The following BRD7 variants were observed in gnomAD, a reference collection of about 807,000 sequenced individuals.
BRD7 encodes bromodomain-containing protein 7.
BRD7 carries 15 observed loss-of-function variants against 82.1 expected under a neutral mutation model. That is an observed-to-expected ratio of 0.18 (90% CI 0.12 to 0.28). The LOEUF (loss-of-function observed/expected upper bound fraction) is 0.28, where lower values mean the gene tolerates loss of function less well. Among genes scored for constraint, BRD7 ranks in the 10% least tolerant of loss-of-function variants. BRD7 has a pLI of 1.00. For synonymous variants in BRD7, 232 were observed against 266.9 expected (o/e 0.87, Z 1.27); for missense variants, 638 against 779.9 (o/e 0.82, Z 2.17).
rs2036818652 is a variant in BRD7, at chr16:50,316,739, C to CCTAA, written c.*2468_*2471dup. 6.6e-6 allele frequency: 1 copy of CCTAA among 152,320 alleles called. No homozygotes were observed. Among genetic ancestry groups the CCTAA allele is most frequent in the African/African-American group, 2.4e-5 (1 of 41,426 alleles). The allele number at this position is 152,320 out of a possible 1,614,324, so 9.4% of individuals were successfully genotyped here. On this transcript the variant is annotated 3_prime_UTR_variant, in exon 17 of 17. Transcript: ENST00000394688. ...AACTTCCCAAGGAATTGAAAGTCAA[C>CCTAA]CTAACTGTAACAACAGGGTGAGAAA...
chr16:50,363,357 G>A (rs1304233642), intron 2 of BRD7, among the ~76,000 whole-genome samples: 1 of 152,184 alleles, frequency 6.6e-6, no homozygotes, highest in African/African-American at 2.4e-5. Context: ...TGTTTTAAGA[G>A]TCATGCCAGC....
Position 50,319,767 on chromosome 16 carries a change from T to C in BRD7, c.1900+120A>G. The stretch of plus-strand genomic sequence containing the variant: ...TTAGGGACTTGAGCATCTACAGATT[T>C]TGCTATCTTTGTGGGGTAAATACCA... On this transcript the variant is annotated intron_variant, in intron 16 of 16. Transcript: ENST00000394688. The C allele has an allele frequency of 4.7e-6, 6 of 1,278,114 alleles. No homozygotes were observed. In the South Asian group the frequency reaches 7.2e-5, roughly 15 times the overall value. 79.2% of individuals were successfully genotyped at this position (1,278,114 alleles called of 1,614,324 possible).
At chr16:50,333,190 T>C (rs2037643788) in intron 8 of BRD7, among the ~76,000 whole-genome samples, 1 of 152,180 alleles carries the variant, frequency 6.6e-6, no homozygotes, top group Admixed American at 6.5e-5. Context: ...AATACAAATG[T>C]TTTCCTGTAA....
chr16:50,368,893 G>A lies in BRD7; in HGVS notation c.-119C>T. On this transcript the variant is annotated 5_prime_UTR_variant, in exon 1 of 17. Coordinates refer to ENST00000394688, the MANE Select transcript of BRD7 (RefSeq NM_013263.5). ...GGGCCCGCGAGACCCCGCGCCGCGAGGCAGGGGGGCGGCGCGCGCCGGGCG... is the reference window on the plus strand; with the variant it reads ...GGGCCCGCGAGACCCCGCGCCGCGAAGCAGGGGGGCGGCGCGCGCCGGGCG... 1 of 540,454 alleles carries A rather than the reference G, an allele frequency of 1.9e-6. No individual in the cohort carries two copies. Among genetic ancestry groups the A allele is most frequent in the Non-Finnish European group, 2.4e-6 (1 of 417,970 alleles). 33.5% of individuals were successfully genotyped at this position (540,454 alleles called of 1,614,324 possible).
intron 5 of BRD7, among the ~76,000 whole-genome samples, chr16:50,342,601 T>C (rs754972920): frequency 3.3e-5 from 5 of 152,178 alleles, no homozygotes; most frequent in Non-Finnish European, 7.4e-5. Context: ...TTTTGTATTT[T>C]CAGTAGAGAC....
Position 50,354,924 on chromosome 16 carries a change from T to C in BRD7, c.259-2A>G. The C allele has an allele frequency of 6.2e-7, 1 of 1,613,522 alleles. No homozygotes were observed. Among genetic ancestry groups the C allele is most frequent in the Non-Finnish European group, 8.5e-7 (1 of 1,179,784 alleles). ...TCGATCTCGCTTCTTTTTATCCTCC[T>C]AAATGGAACAAAGGGAGATAATTTA... On this transcript the variant is annotated splice_acceptor_variant, in intron 2 of 16. Coordinates refer to ENST00000394688, the MANE Select transcript of BRD7 (RefSeq NM_013263.5). LOFTEE classifies it high-confidence loss of function.
At chr16:50,360,256 G>C (rs2038888465) in intron 2 of BRD7, among the ~76,000 whole-genome samples, 1 of 152,192 alleles carries the variant, frequency 6.6e-6, no homozygotes, top group Admixed American at 6.5e-5. Context: ...ATAGGAGACA[G>C]CATGACATAG....
At chr16:50,319,352 A>G in intron 16 of BRD7, 86 bp from the exon 17 acceptor site, 1 of 1,309,108 alleles carries the variant, frequency 7.6e-7, no homozygotes, top group Non-Finnish European at 1.1e-6. Context: ...GCCATCCAGA[A>G]GCATAACTGC....
chr16:50,336,085 A>G (rs1229474478), intron 6 of BRD7, among the ~76,000 whole-genome samples: 1 of 152,230 alleles, frequency 6.6e-6, no homozygotes, highest in African/African-American at 2.4e-5. Context: ...TTTAGTAAAA[A>G]GCATTTTTTC....
chr16:50,321,008 T>TCATTA (rs1166670533), intron 13 of BRD7, among the ~76,000 whole-genome samples: 2 of 152,258 alleles, frequency 1.3e-5, no homozygotes, highest in African/African-American at 4.8e-5. Flanking sequence ...TGAAATGTAA[T>TCATTA]GATGTATCTT....
intron 5 of BRD7, among the ~76,000 whole-genome samples, chr16:50,344,386 C>A (rs1416005524): frequency 1.3e-5 from 2 of 152,178 alleles, no homozygotes; most frequent in African/African-American, 4.8e-5. Context: ...TCCTTGCCAG[C>A]AACGGAACAA....
intron 12 of BRD7, among the ~76,000 whole-genome samples, chr16:50,322,567 T>C (rs1567598080): frequency 1.3e-5 from 2 of 152,206 alleles, no homozygotes; most frequent in Non-Finnish European, 2.9e-5. Context: ...TTGTGAGTTA[T>C]TTAACCAATT....
chr16:50,363,660 T>TGTGTGTGCGCGC lies in BRD7; in HGVS notation c.258+4429_258+4430insGCGCGCACACAC, dbSNP rs138025982. On this transcript the variant is annotated intron_variant, in intron 2 of 16. Transcript: ENST00000394688. ...GTGTGTTTGTGTGTGTGTGTGTGTG[T>TGTGTGTGCGCGC]GCGCGCGCGCGCGTGCGCGTGTGCT... 1.2e-4 allele frequency among the ~76,000 whole-genome samples: 12 copies of TGTGTGTGCGCGC among 102,506 alleles called. 1 individual carries two copies. Among genetic ancestry groups the TGTGTGTGCGCGC allele is most frequent in the Admixed American group, 9.6e-4 (10 of 10,418 alleles). The allele number at this position is 102,506 out of a possible 152,430, so 67.2% of individuals were successfully genotyped here.
chr16:50,333,799 T>C (rs2037675453), intron 7 of BRD7, 102 bp from the exon 8 acceptor site: 1 of 1,017,712 alleles, frequency 9.8e-7, no homozygotes, highest in Non-Finnish European at 1.4e-6. Flanking sequence ...GTGGAGACAT[T>C]TGTACTACAG....
At position 50,316,916 on chromosome 16, in the gene BRD7, A is replaced by G. The variant is rs1202070634; in HGVS notation, c.*2295T>C. On this transcript the variant is annotated 3_prime_UTR_variant, in exon 17 of 17. Coordinates refer to ENST00000394688, the MANE Select transcript of BRD7 (RefSeq NM_013263.5). ...AGCTAGGTGTCCCCATGAACCCCGT[A>G]AAGTTCTACACAAAGTCTTGCATAC... is the stretch of plus-strand genomic sequence containing the variant. 1 of 152,524 alleles carries G rather than the reference A, an allele frequency of 6.6e-6. No homozygotes were observed. The highest frequency in any genetic ancestry group is 2.1e-4 in the South Asian group (1 of 4,836). 9.4% of individuals were successfully genotyped at this position (152,524 alleles called of 1,614,324 possible).
chr16:50,337,781 C>G (rs1414526285), intron 6 of BRD7, among the ~76,000 whole-genome samples: 3 of 151,954 alleles, frequency 2.0e-5, no homozygotes, highest in Non-Finnish European at 4.4e-5. Context: ...GTTTAAAAAT[C>G]ACTGTTGTGA....
intron 2 of BRD7, among the ~76,000 whole-genome samples, chr16:50,361,329 T>C (rs1470641930): frequency 6.6e-6 from 1 of 152,212 alleles, no homozygotes; most frequent in African/African-American, 2.4e-5. Context: ...ATCCTATATG[T>C]GTTAATGCTT....
rs1164510822 is a variant in BRD7, at chr16:50,368,150, T to C, written c.198A>G (p.Arg66=). 1.9e-6 allele frequency: 3 copies of C among 1,613,996 alleles called. No individual in the cohort carries two copies. Among genetic ancestry groups the C allele is most frequent in the African/African-American group, 1.3e-5 (1 of 74,936 alleles). Residue 66 remains arginine, a synonymous_variant, in exon 2 of 17, where the codon AGA becomes AGG. Transcript: ENST00000394688. ...CTGGAATCTGCTTCTCTCCTTTCTT[T>C]CTCTTTTTCCGCTTTCTGTCCTTGT... ...DKHKDRKRKK[R]KKGEKQIPGE...
At chr16:50,325,330 T>C (rs1003021498) in intron 11 of BRD7, among the ~76,000 whole-genome samples, 2 of 152,182 alleles carry the variant, frequency 1.3e-5, no homozygotes, top group African/African-American at 4.8e-5. Flanking sequence ...GTGGGCTGCC[T>C]ATGGAATAGA....
Sources: allele counts gnomAD v4.1 joint callset (sites outside exome capture counted in the v4.1 genomes callset), GRCh38; gene constraint gnomAD v4.1.1; transcripts MANE v1.5; gene names NCBI Gene and HGNC (gene_info 2026-07-23, HGNC 2026-07-21).